PCDH11X: variants seen among roughly 807,000 people sequenced by gnomAD.
The protein encoded by PCDH11X is protocadherin 11 X-linked.
A neutral mutation model predicts 53.3 loss-of-function variants in PCDH11X; 18 were observed. That is an observed-to-expected ratio of 0.34 (90% confidence interval 0.23 to 0.50). PCDH11X has a LOEUF of 0.50. Ranked by LOEUF, PCDH11X falls within the 20% of genes least tolerant of loss-of-function variation. The probability of loss-of-function intolerance (pLI) is 0.98; values close to 1 mark genes in which losing one functional copy is unlikely to be tolerated. For synonymous variants in PCDH11X, 279 were observed against 393.3 expected (o/e 0.71, Z 3.44); for missense variants, 570 against 1,032.4 (o/e 0.55, Z 6.14).
chrX:92,268,426 G>A lies in PCDH11X; in HGVS notation c.3144+5283G>A, dbSNP rs551757247. Among the ~76,000 whole-genome samples, 9 of 110,500 alleles carry A rather than the reference G, an allele frequency of 8.1e-5. No homozygotes were observed. The South Asian group carries it at 3.5e-3, about 43-fold the overall frequency. ...CCTGTCTCAGCCTCCCGAGTAGCTG[G>A]GATTACAGATATGTGCCACCACGCC... is the stretch of plus-strand genomic sequence containing the variant. On this transcript the variant is annotated intron_variant, in intron 8 of 10. Coordinates refer to ENST00000682573, the MANE Select transcript of PCDH11X (RefSeq NM_032968.5).
At chrX:92,114,806 A>G (rs1442320218) in intron 6 of PCDH11X, among the ~76,000 whole-genome samples, 2 of 109,137 alleles carry the variant, frequency 1.8e-5, no homozygotes, top group East Asian at 6.0e-4. Flanking sequence ...GATCAAAAGA[A>G]TGTCACCTGT....
intron 7 of PCDH11X, among the ~76,000 whole-genome samples, chrX:92,258,757 T>C (rs1417047774): frequency 8.9e-6 from 1 of 111,924 alleles, no homozygotes; most frequent in Non-Finnish European, 1.9e-5. Context: ...AGGCTGCAAA[T>C]TTTTCAAAAT....
chrX:92,289,524 T>C (rs2068450844), intron 8 of PCDH11X, among the ~76,000 whole-genome samples: 1 of 111,739 alleles, frequency 8.9e-6, no homozygotes, highest in Admixed American at 9.5e-5. Flanking sequence ...TATGAACAAA[T>C]GTACTTAAAA....
At chrX:91,995,455 T>C (rs1264850924) in intron 6 of PCDH11X, among the ~76,000 whole-genome samples, 2 of 111,477 alleles carry the variant, frequency 1.8e-5, no homozygotes, top group Non-Finnish European at 3.8e-5. Flanking sequence ...TTCCCTATTG[T>C]GCATTCTTGG....
In PCDH11X at chrX:91,886,925, G is replaced by T. The variant is rs553434420; in HGVS notation, c.3033+7652G>T. 8.0e-5 allele frequency among the ~76,000 whole-genome samples: 8 copies of T among 100,400 alleles called. No homozygotes were observed. The South Asian group carries it at 2.4e-3, about 30-fold the overall frequency. The allele number at this position is 100,400 out of a possible 115,157, so 87.2% of individuals were successfully genotyped here. A position where few individuals can be genotyped will look rare whatever the true frequency, so the allele number is the denominator to read the frequency against. On this transcript the variant is annotated intron_variant, in intron 6 of 10. Coordinates refer to ENST00000682573, the MANE Select transcript of PCDH11X (RefSeq NM_032968.5). ...GGCGGAGCTTGCAGTGAGCCAAGAT[G>T]GCGCCACTGCACTCCAGCCTGGGCG...
chrX:91,838,360 G>A (rs779946299), intron 5 of PCDH11X, among the ~76,000 whole-genome samples: 3 of 111,893 alleles, frequency 2.7e-5, no homozygotes, highest in South Asian at 3.7e-4. Context: ...TAGAATGTGT[G>A]ATAAGCCTAA....
At chrX:91,841,282 C>T (rs1937513449) in intron 5 of PCDH11X, among the ~76,000 whole-genome samples, 2 of 111,523 alleles carry the variant, frequency 1.8e-5, no homozygotes, top group East Asian at 5.6e-4. Flanking sequence ...TCCACTAATG[C>T]CTTTTGTTAA....
chrX:92,205,220 T>G (rs1008793373), intron 7 of PCDH11X, among the ~76,000 whole-genome samples: 8 of 112,110 alleles, frequency 7.1e-5, no homozygotes, highest in Non-Finnish European at 1.1e-4. Context: ...TGTAATAATT[T>G]TCTTAGTTAT....
intron 9 of PCDH11X, among the ~76,000 whole-genome samples, chrX:92,403,639 C>CT (rs1164961342): frequency 9.1e-6 from 1 of 110,026 alleles, no homozygotes; most frequent in Non-Finnish European, 1.9e-5. Context: ...TCCCAGAAGG[C>CT]TTTTAATCAA....
chrX:92,443,375 C>A (rs1372442504), intron 9 of PCDH11X, among the ~76,000 whole-genome samples: 5 of 111,138 alleles, frequency 4.5e-5, no homozygotes, highest in African/African-American at 1.3e-4. Context: ...ATTTGTTTGA[C>A]TTTCTTATAG....
At chrX:92,201,275 ACTATTTTAG>A in intron 6 of PCDH11X, 91 bp from the exon 7 acceptor site, 1 of 1,064,633 alleles carries the variant, frequency 9.4e-7, no homozygotes. Context: ...CTACCCAGGC[ACTATTTTAG>A]CTACCTATAG....
intron 10 of PCDH11X, among the ~76,000 whole-genome samples, chrX:92,577,734 C>T (rs1318735554): frequency 9.0e-6 from 1 of 110,773 alleles, no homozygotes; most frequent in Non-Finnish European, 1.9e-5. Flanking sequence ...GATTCTGGTA[C>T]GTTATCTTTG....
intron 8 of PCDH11X, among the ~76,000 whole-genome samples, chrX:92,326,177 G>T (rs1204195214): frequency 1.8e-5 from 2 of 109,497 alleles, no homozygotes; most frequent in East Asian, 5.9e-4. Context: ...GGCTGAAATG[G>T]TTGGAAACTG....
intron 9 of PCDH11X, among the ~76,000 whole-genome samples, chrX:92,391,967 A>C (rs2071138166): frequency 9.0e-6 from 1 of 111,122 alleles, no homozygotes; most frequent in Non-Finnish European, 1.9e-5. Context: ...TAAAATGAAG[A>C]GGAGAATGAT....
intron 8 of PCDH11X, among the ~76,000 whole-genome samples, chrX:92,331,124 A>G (rs765690161): frequency 3.7e-5 from 4 of 107,946 alleles, no homozygotes; most frequent in African/African-American, 1.3e-4. Flanking sequence ...AATAATTATG[A>G]TAGGCTACAT....
intron 6 of PCDH11X, among the ~76,000 whole-genome samples, chrX:92,007,794 C>A (rs908086442): frequency 1.8e-5 from 2 of 112,020 alleles, no homozygotes; most frequent in African/African-American, 3.2e-5. Flanking sequence ...ATGACCAAGA[C>A]CCTCAATGTA....
chrX:92,064,236 G>A lies in PCDH11X; in HGVS notation c.3034-137139G>A, dbSNP rs1187742800. Among the ~76,000 whole-genome samples the A allele has an allele frequency of 3.7e-5, 4 of 107,370 alleles. 1 individual carries two copies. The allele number at this position is 107,370 out of a possible 115,157, so 93.2% of individuals were successfully genotyped here. A position where few individuals can be genotyped will look rare whatever the true frequency, so the allele number is the denominator to read the frequency against. On this transcript the variant is annotated intron_variant, in intron 6 of 10. Transcript: ENST00000682573. ...ATGGGTGGGTCACTGGTGGTTTCAA[G>A]GATGCTGCCCTCCATGCACACATTT...
intron 8 of PCDH11X, among the ~76,000 whole-genome samples, chrX:92,280,803 G>T (rs2068235667): frequency 9.1e-6 from 1 of 110,276 alleles, no homozygotes; most frequent in Non-Finnish European, 1.9e-5. Context: ...AAAAAAAATT[G>T]ACATTAGTAA....
At chrX:92,185,981 A>G (rs1488883222) in intron 6 of PCDH11X, among the ~76,000 whole-genome samples, 1 of 111,602 alleles carries the variant, frequency 9.0e-6, no homozygotes, top group Non-Finnish European at 1.9e-5. Flanking sequence ...TAAAACAACT[A>G]TATGATTCAG....
Sources: allele counts gnomAD v4.1 joint callset (sites outside exome capture counted in the v4.1 genomes callset), GRCh38; gene constraint gnomAD v4.1.1; transcripts MANE v1.5; gene names NCBI Gene and HGNC (gene_info 2026-07-23, HGNC 2026-07-21).